XYLT1: variants seen among roughly 807,000 people sequenced by gnomAD.
XYLT1 encodes xylosyltransferase 1.
XYLT1 carries 36 observed loss-of-function variants against 91.3 expected under a neutral mutation model. That is an observed-to-expected ratio of 0.39 (90% CI 0.30 to 0.52). XYLT1 has a LOEUF of 0.52. Among genes scored for constraint, XYLT1 ranks in the 20% least tolerant of loss-of-function variants. The pLI is 0.68. For missense variants in XYLT1, 1,242 were observed against 1,284.5 expected, an observed-to-expected ratio of 0.97 and a Z score of 0.51; for synonymous variants, 588 against 532.0, an observed-to-expected ratio of 1.11 and a Z score of -1.45.
chr16:17,393,148 G>A (rs746439451), intron 1 of XYLT1, among the ~76,000 whole-genome samples: 10 of 152,150 alleles, frequency 6.6e-5, no homozygotes, highest in East Asian at 1.9e-4. Flanking sequence ...TCCTGGGGAT[G>A]TCCTCAACCT....
At chr16:17,161,513 C>T (rs1164649449) in intron 5 of XYLT1, among the ~76,000 whole-genome samples, 1 of 152,198 alleles carries the variant, frequency 6.6e-6, no homozygotes, top group Non-Finnish European at 1.5e-5. Flanking sequence ...AAGCCCATCC[C>T]CCCAGTCCTT....
chr16:17,293,195 TG>T (rs2034256691), intron 2 of XYLT1, among the ~76,000 whole-genome samples: 1 of 152,150 alleles, frequency 6.6e-6, no homozygotes, highest in Non-Finnish European at 1.5e-5. Context: ...CTAGGGGTCC[TG>T]GAAGGTTGGG....
chr16:17,310,510 C>G (rs1040769868), intron 2 of XYLT1, among the ~76,000 whole-genome samples: 4 of 152,144 alleles, frequency 2.6e-5, no homozygotes, highest in Admixed American at 6.5e-5. Flanking sequence ...GTGCCCTCCT[C>G]CTACTCAGGG....
At chr16:17,303,366 G>A (rs2034425881) in intron 2 of XYLT1, among the ~76,000 whole-genome samples, 1 of 152,198 alleles carries the variant, frequency 6.6e-6, no homozygotes, top group South Asian at 2.1e-4. Flanking sequence ...CGGTGACAGA[G>A]CCCATGTGGC....
chr16:17,198,044 G>C (rs1190751492), intron 5 of XYLT1, 168 bp downstream of exon 5: 1 of 711,236 alleles, frequency 1.4e-6, no homozygotes, highest in Non-Finnish European at 2.3e-6. Flanking sequence ...TTGAATGCAT[G>C]AATGAATGAG....
At chr16:17,123,719 G>T (rs2030156247) in intron 10 of XYLT1, among the ~76,000 whole-genome samples, 1 of 152,118 alleles carries the variant, frequency 6.6e-6, no homozygotes, top group African/African-American at 2.4e-5. Flanking sequence ...TAAGTCCATT[G>T]TTTCTTTATT....
intron 2 of XYLT1, among the ~76,000 whole-genome samples, chr16:17,293,691 G>A (rs1323492573): frequency 2.0e-5 from 3 of 151,996 alleles, no homozygotes; most frequent in Non-Finnish European, 2.9e-5. Context: ...GTCTTACCAC[G>A]TTGCCCAAGC....
intron 1 of XYLT1, among the ~76,000 whole-genome samples, chr16:17,466,891 A>G (rs1052905625): frequency 1.8e-5 from 2 of 109,476 alleles, no homozygotes; most frequent in African/African-American, 3.2e-5. Context: ...TGAAAGTGTG[A>G]AAAAAAAAAC....
chr16:17,318,906 T>C (rs2034675695), intron 2 of XYLT1, among the ~76,000 whole-genome samples: 1 of 151,542 alleles, frequency 6.6e-6, no homozygotes, highest in African/African-American at 2.4e-5. Context: ...TCCTGCCTCA[T>C]CCTCTCGAGT....
chr16:17,440,312 A>T lies in XYLT1; in HGVS notation c.363+30122T>A, dbSNP rs540448717. On this transcript the variant is annotated intron_variant, in intron 1 of 11. Transcript: ENST00000261381. ...CTAATTAACACATATTCATTGAGAA[A>T]GCAAAGATTCAAGAGATGCACTGAA... is the stretch of plus-strand genomic sequence containing the variant. Among the ~76,000 whole-genome samples, 7 of 152,386 alleles carry T rather than the reference A, an allele frequency of 4.6e-5. No homozygotes were observed. In the South Asian group the frequency reaches 1.4e-3, roughly 32 times the overall value.
intron 2 of XYLT1, among the ~76,000 whole-genome samples, chr16:17,299,307 A>G (rs1170379343): frequency 6.6e-6 from 1 of 152,174 alleles, no homozygotes; most frequent in Non-Finnish European, 1.5e-5. Flanking sequence ...AATTGGGGGA[A>G]ATAACAGAAT....
intron 8 of XYLT1, among the ~76,000 whole-genome samples, chr16:17,137,164 G>A (rs1358709532): frequency 6.6e-6 from 1 of 152,088 alleles, no homozygotes; most frequent in East Asian, 1.9e-4. Context: ...AGTGTACTCT[G>A]CATTCATACA....
Position 17,108,340 on chromosome 16 carries a change from C to T in XYLT1, c.*355G>A, listed in dbSNP as rs1302075240. On this transcript the variant is annotated 3_prime_UTR_variant, in exon 12 of 12. Transcript: ENST00000261381. ...CCCTGAACCTCCACTTATGACTGTG[C>T]TCCGTAAACGAAGTTCTGCTGCTCG... The T allele has an allele frequency of 1.6e-4, 33 of 210,400 alleles. No individual in the cohort carries two copies. The Admixed American group carries it at 2.0e-3, about 12-fold the overall frequency. The allele number at this position is 210,400 out of a possible 1,614,324, so 13.0% of individuals were successfully genotyped here.
intron 1 of XYLT1, among the ~76,000 whole-genome samples, chr16:17,395,217 A>G (rs2035868589): frequency 6.6e-6 from 1 of 152,150 alleles, no homozygotes. Context: ...TGAGAACAGC[A>G]TGGGGAAAAC....
chr16:17,164,375 A>G (rs948013917), intron 5 of XYLT1, among the ~76,000 whole-genome samples: 3 of 151,538 alleles, frequency 2.0e-5, no homozygotes, highest in Non-Finnish European at 4.4e-5. Flanking sequence ...GTTCAGGGTG[A>G]TATGTCTGTA....
intron 1 of XYLT1, among the ~76,000 whole-genome samples, chr16:17,377,999 G>T (rs758780780): frequency 5.3e-5 from 8 of 152,196 alleles, no homozygotes; most frequent in African/African-American, 4.8e-5. Context: ...GATCTGCATT[G>T]CTCTTTTTCT....
intron 3 of XYLT1, chr16:17,250,862 T>A (rs562310767): frequency 1.3e-5 from 2 of 152,266 alleles, no homozygotes; most frequent in African/African-American, 4.8e-5. Context: ...ATCACCCTCA[T>A]TAGCGTGGTA....
intron 2 of XYLT1, among the ~76,000 whole-genome samples, chr16:17,297,065 T>C (rs1024243136): frequency 6.6e-6 from 1 of 152,240 alleles, no homozygotes. Flanking sequence ...TTTAGATTTA[T>C]GTTTATCGAA....
At chr16:17,468,835 A>C (rs2036936606) in intron 1 of XYLT1, among the ~76,000 whole-genome samples, 1 of 152,150 alleles carries the variant, frequency 6.6e-6, no homozygotes, top group Non-Finnish European at 1.5e-5. Flanking sequence ...CTGGACCAGC[A>C]GGACACGACC....
Sources: gnomAD v4.1 joint callset for allele counts (sites outside exome capture counted in the v4.1 genomes callset) on GRCh38, gnomAD v4.1.1 for gene constraint, MANE v1.5 for transcripts, NCBI Gene and HGNC (gene_info 2026-07-23, HGNC 2026-07-21) for gene names.